Variants in PLCL1 observed in about 807,000 individuals in gnomAD.
PLCL1 encodes the protein inactive phospholipase C-like protein 1.
In PLCL1, 41 loss-of-function variants were observed where a neutral mutation model predicts 84.4. The ratio of observed to expected loss-of-function variants is 0.49; its 90% CI spans 0.38 to 0.63. The LOEUF is 0.63. Among genes scored for constraint, PLCL1 ranks in the 30% least tolerant of loss-of-function variants. PLCL1 has a pLI of 0.00. For missense variants in PLCL1, 1,206 were observed against 1,367.8 expected (o/e 0.88, Z 1.87); for synonymous variants, 490 against 488.3 (o/e 1.00, Z -0.05).
In PLCL1 at chr2:198,143,895, A is replaced by AT. The variant is rs5837583; in HGVS notation, c.3106-2873dup. ...TCTTTTATTAGTTAATAGTTTACCT[A>AT]TTTTTTTTTTTTCTTGCCTATATGG... On this transcript the variant is annotated intron_variant, in intron 5 of 5. Coordinates refer to ENST00000428675, the MANE Select transcript of PLCL1 (RefSeq NM_006226.4). Among the ~76,000 whole-genome samples the AT allele has an allele frequency of 5.4e-4, 82 of 150,586 alleles. 2 individuals are homozygous for AT. In the South Asian group the frequency reaches 8.2e-3, roughly 15 times the overall value.
chr2:197,967,172 G>A (rs958195856), intron 1 of PLCL1, among the ~76,000 whole-genome samples: 15 of 152,014 alleles, frequency 9.9e-5, no homozygotes, highest in Middle Eastern at 3.4e-3. Context: ...TTCTACAGGA[G>A]AATCACCACG....
At chr2:198,119,311 G>T (rs1366831618) in intron 5 of PLCL1, among the ~76,000 whole-genome samples, 1 of 151,894 alleles carries the variant, frequency 6.6e-6, no homozygotes, top group South Asian at 2.1e-4. Flanking sequence ...CTTTTAAAAA[G>T]CCTAAGACTT....
intron 1 of PLCL1, among the ~76,000 whole-genome samples, chr2:197,856,999 G>A (rs555111996): frequency 6.6e-6 from 1 of 152,176 alleles, no homozygotes; most frequent in Admixed American, 6.5e-5. Context: ...TGGGAAGAGG[G>A]AGAGGATCAG....
At chr2:197,852,908 CA>C in intron 1 of PLCL1, among the ~76,000 whole-genome samples, 1 of 152,198 alleles carries the variant, frequency 6.6e-6, no homozygotes, top group Middle Eastern at 3.4e-3. Flanking sequence ...CTATTTTAGC[CA>C]TTTTTAAGCA....
chr2:198,110,108 A>T (rs1693578878), intron 5 of PLCL1, among the ~76,000 whole-genome samples: 1 of 151,848 alleles, frequency 6.6e-6, no homozygotes, highest in African/African-American at 2.4e-5. Flanking sequence ...AATGAATATA[A>T]CTATTACCTC....
intron 1 of PLCL1, among the ~76,000 whole-genome samples, chr2:198,037,823 C>A (rs1194113735): frequency 6.6e-6 from 1 of 152,002 alleles, no homozygotes; most frequent in African/African-American, 2.4e-5. Flanking sequence ...TTTGGAAAGA[C>A]TCTAGAAAAG....
chr2:198,070,499 T>G (rs1692437849), intron 1 of PLCL1, among the ~76,000 whole-genome samples: 1 of 152,066 alleles, frequency 6.6e-6, no homozygotes, highest in Non-Finnish European at 1.5e-5. Flanking sequence ...TGGACATTCT[T>G]TTCACCACAG....
At chr2:198,011,344 T>G (rs1690863951) in intron 1 of PLCL1, among the ~76,000 whole-genome samples, 1 of 152,114 alleles carries the variant, frequency 6.6e-6, no homozygotes, top group South Asian at 2.1e-4. Context: ...ATTTTCTAAA[T>G]TATCTTGTGA....
chr2:197,936,133 C>CCG (rs897174671), intron 1 of PLCL1, among the ~76,000 whole-genome samples: 24 of 141,480 alleles, frequency 1.7e-4, no homozygotes, highest in Admixed American at 6.4e-4. Context: ...TATTAAACAC[C>CCG]CCCCCCCTCA....
chr2:198,020,539 A>G (rs1305253263), intron 1 of PLCL1, among the ~76,000 whole-genome samples: 1 of 152,098 alleles, frequency 6.6e-6, no homozygotes, highest in Admixed American at 6.6e-5. Flanking sequence ...GGGATGGAGG[A>G]ATATTTACCA....
intron 1 of PLCL1, among the ~76,000 whole-genome samples, chr2:198,063,482 G>T (rs575151678): frequency 6.6e-6 from 1 of 152,234 alleles, no homozygotes; most frequent in South Asian, 2.1e-4. Flanking sequence ...GAAGAGAAAG[G>T]TCACTTGGCT....
chr2:197,949,123 G>A (rs901460881), intron 1 of PLCL1, among the ~76,000 whole-genome samples: 1 of 152,190 alleles, frequency 6.6e-6, no homozygotes, highest in African/African-American at 2.4e-5. Flanking sequence ...TGATAATCTA[G>A]TTGGGATCAT....
At chr2:198,002,889 C>G (rs1574238337) in intron 1 of PLCL1, among the ~76,000 whole-genome samples, 2 of 152,150 alleles carry the variant, frequency 1.3e-5, no homozygotes, top group Non-Finnish European at 2.9e-5. Context: ...CTACCATGCA[C>G]TTTGTTAAAC....
chr2:198,096,113 T>C (rs1693186381), intron 3 of PLCL1, among the ~76,000 whole-genome samples: 1 of 152,228 alleles, frequency 6.6e-6, no homozygotes, highest in African/African-American at 2.4e-5. Context: ...AGAAATAGTA[T>C]GAAGCAAAAC....
chr2:197,971,996 A>G (rs755753521), intron 1 of PLCL1, among the ~76,000 whole-genome samples: 7 of 152,356 alleles, frequency 4.6e-5, no homozygotes, highest in Admixed American at 3.9e-4. Context: ...TTATCACAGA[A>G]TATTTAAAAT....
chr2:198,089,201 G>A lies in PLCL1; in HGVS notation c.2919+140G>A, dbSNP rs549358483. On this transcript the variant is annotated intron_variant, in intron 3 of 5. Transcript: ENST00000428675. Reference sequence around the variant, plus strand: ...TGGATTGGAGGTAGCATGCAGAGCCGGCCCATTCAGCTTCTGCTAAGTCTC... The same window carrying A: ...TGGATTGGAGGTAGCATGCAGAGCCAGCCCATTCAGCTTCTGCTAAGTCTC... 8.5e-5 allele frequency: 56 copies of A among 661,428 alleles called. No individual in the cohort carries two copies. In the Admixed American group the frequency reaches 9.4e-4, roughly 11 times the overall value. 41.0% of individuals were successfully genotyped at this position (661,428 alleles called of 1,614,324 possible).
At chr2:197,977,066 T>C (rs973892280) in intron 1 of PLCL1, among the ~76,000 whole-genome samples, 4 of 152,212 alleles carry the variant, frequency 2.6e-5, no homozygotes, top group African/African-American at 4.8e-5. Flanking sequence ...TTACTTGCTC[T>C]GCAAATCTCC....
intron 1 of PLCL1, among the ~76,000 whole-genome samples, chr2:197,926,405 A>G (rs921498873): frequency 3.3e-5 from 5 of 152,148 alleles, no homozygotes; most frequent in African/African-American, 1.2e-4. Flanking sequence ...TTCCCTTAGA[A>G]CCTTTCCATG....
At chr2:197,881,242 C>T (rs1007686017) in intron 1 of PLCL1, among the ~76,000 whole-genome samples, 6 of 152,074 alleles carry the variant, frequency 3.9e-5, no homozygotes, top group South Asian at 2.1e-4. Context: ...CAGCACCTTG[C>T]GAGGCAAGTG....
Sources: allele counts gnomAD v4.1 joint callset (sites outside exome capture counted in the v4.1 genomes callset), GRCh38; gene constraint gnomAD v4.1.1; transcripts MANE v1.5; gene names NCBI Gene and HGNC (gene_info 2026-07-23, HGNC 2026-07-21).